MAGI2: variants seen among roughly 807,000 people sequenced by gnomAD.
MAGI2 encodes the protein membrane-associated guanylate kinase, WW and PDZ domain-containing protein 2.
In MAGI2, 35 loss-of-function variants were observed where a neutral mutation model predicts 133.3. That is an observed-to-expected ratio of 0.26 (90% CI 0.20 to 0.35). The LOEUF (loss-of-function observed/expected upper bound fraction) is 0.35, where lower values mean the gene tolerates loss of function less well. MAGI2 is among the 10% of genes least tolerant of loss of function. The probability of loss-of-function intolerance (pLI) is 1.00; values close to 1 mark genes in which losing one functional copy is unlikely to be tolerated. For synonymous variants in MAGI2, 729 were observed against 710.6 expected (o/e 1.03, Z -0.41); for missense variants, 1,636 against 1,863.4 (o/e 0.88, Z 2.25).
chr7:79,308,250 C>T (rs1430349242), intron 1 of MAGI2, among the ~76,000 whole-genome samples: 3 of 152,078 alleles, frequency 2.0e-5, no homozygotes, highest in Admixed American at 2.0e-4. Context: ...TTGACGTTGC[C>T]AACACACGTA....
chr7:78,614,928 C>T (rs1160441442), intron 3 of MAGI2: 1 of 152,106 alleles, frequency 6.6e-6, no homozygotes, highest in Non-Finnish European at 1.5e-5. Flanking sequence ...TTCTGGATAG[C>T]TCAGGGTCAT....
chr7:78,797,260 C>T (rs1787694852), intron 2 of MAGI2, among the ~76,000 whole-genome samples: 1 of 151,984 alleles, frequency 6.6e-6, no homozygotes, highest in Non-Finnish European at 1.5e-5. Context: ...ATATATAAAA[C>T]TATATCAATA....
intron 2 of MAGI2, among the ~76,000 whole-genome samples, chr7:78,769,796 G>A (rs916916208): frequency 3.9e-5 from 6 of 152,322 alleles, no homozygotes; most frequent in Middle Eastern, 3.4e-3. Flanking sequence ...CATTACAAAT[G>A]TGATTCCCTC....
chr7:79,035,193 TG>T, intron 1 of MAGI2, among the ~76,000 whole-genome samples: 1 of 133,080 alleles, frequency 7.5e-6, no homozygotes, highest in Non-Finnish European at 1.6e-5. Flanking sequence ...AAAAAAAGTG[TG>T]TGTGTGTGTG....
At chr7:79,065,537 T>C (rs1228505209) in intron 1 of MAGI2, among the ~76,000 whole-genome samples, 4 of 152,044 alleles carry the variant, frequency 2.6e-5, no homozygotes, top group Non-Finnish European at 5.9e-5. Flanking sequence ...TTGAAACTAT[T>C]CTCATATATA....
At chr7:79,005,063 C>A (rs988471657) in intron 2 of MAGI2, among the ~76,000 whole-genome samples, 4 of 137,790 alleles carry the variant, frequency 2.9e-5, no homozygotes, top group Non-Finnish European at 4.7e-5. Flanking sequence ...GCCTGGGTAA[C>A]AAGAGCAAAA....
intron 2 of MAGI2, among the ~76,000 whole-genome samples, chr7:78,951,211 G>C (rs1390922220): frequency 6.6e-6 from 1 of 151,984 alleles, no homozygotes; most frequent in Non-Finnish European, 1.5e-5. Flanking sequence ...AACCTTAAGT[G>C]ATCCACCACC....
At chr7:79,336,717 T>C (rs899201677) in intron 1 of MAGI2, among the ~76,000 whole-genome samples, 3 of 152,110 alleles carry the variant, frequency 2.0e-5, no homozygotes, top group African/African-American at 7.2e-5. Flanking sequence ...TTTCTTTCCA[T>C]GTCTGGCTCA....
At chr7:79,228,353 G>GAAAAAAAAAAAAAAAAAA (rs1831044112) in intron 1 of MAGI2, among the ~76,000 whole-genome samples, 2 of 5,810 alleles carry the variant, frequency 3.4e-4, no homozygotes, top group Non-Finnish European at 6.6e-4. Context: ...AAAAAAACAG[G>GAAAAAAAAAAAAAAAAAA]CAAAAAAAAA....
chr7:78,602,877 G>T (rs1390906563), intron 3 of MAGI2, among the ~76,000 whole-genome samples: 1 of 152,174 alleles, frequency 6.6e-6, no homozygotes, highest in South Asian at 2.1e-4. Flanking sequence ...CATAGACTTT[G>T]TTTATAAGAT....
chr7:78,460,887 T>C (rs1368912251), intron 6 of MAGI2, among the ~76,000 whole-genome samples: 1 of 152,102 alleles, frequency 6.6e-6, no homozygotes, highest in East Asian at 1.9e-4. Context: ...GGGTCTCTTC[T>C]TCAACCTCTC....
At chr7:79,207,453 A>C (rs1315765862) in intron 1 of MAGI2, among the ~76,000 whole-genome samples, 1 of 152,004 alleles carries the variant, frequency 6.6e-6, no homozygotes, top group Non-Finnish European at 1.5e-5. Flanking sequence ...AAATAAAACA[A>C]TTCCACTTAT....
intron 1 of MAGI2, among the ~76,000 whole-genome samples, chr7:79,217,006 G>T (rs542345370): frequency 6.6e-5 from 10 of 152,158 alleles, no homozygotes; most frequent in Non-Finnish European, 1.2e-4. Context: ...ATAAAAGCAC[G>T]TGAAGCTAGT....
chr7:79,378,928 A>ATATATGTG (rs1563168199), intron 1 of MAGI2, among the ~76,000 whole-genome samples: 6 of 27,026 alleles, frequency 2.2e-4, no homozygotes, highest in African/African-American at 9.3e-4. Flanking sequence ...GTGTGTGTGT[A>ATATATGTG]TATATATATA....
chr7:78,608,593 A>G (rs1461511404), intron 3 of MAGI2, among the ~76,000 whole-genome samples: 1 of 152,042 alleles, frequency 6.6e-6, no homozygotes, highest in Non-Finnish European at 1.5e-5. Flanking sequence ...TATCATTATT[A>G]TTCATGCTGT....
chr7:78,159,705 G>A (rs2150606225), intron 16 of MAGI2: 1 of 189,828 alleles, frequency 5.3e-6, no homozygotes. Flanking sequence ...ACCCATAAAA[G>A]GAAGCACCCC....
At chr7:78,093,094 C>A (rs1817367257) in intron 20 of MAGI2, among the ~76,000 whole-genome samples, 1 of 139,738 alleles carries the variant, frequency 7.2e-6, no homozygotes, top group Non-Finnish European at 1.5e-5. Context: ...CCAGATTGAG[C>A]CACTGCACTC....
chr7:78,610,641 T>C (rs567922388), intron 3 of MAGI2, among the ~76,000 whole-genome samples: 1 of 152,342 alleles, frequency 6.6e-6, no homozygotes, highest in East Asian at 1.9e-4. Context: ...ATCCGTAATA[T>C]GAATTTTCCA....
rs539676946 is a variant in MAGI2, at chr7:79,406,401, C to A, written c.301+46619G>T. On this transcript the variant is annotated intron_variant, in intron 1 of 21. Transcript: ENST00000354212. The stretch of plus-strand genomic sequence containing the variant: ...AGGGGCAAGGTACAAGAATGTAGTT[C>A]TTTCTTAACTATATTTCAACAACTA... 1.5e-4 allele frequency among the ~76,000 whole-genome samples: 23 copies of A among 152,152 alleles called. No individual in the cohort carries two copies. The South Asian group carries it at 4.8e-3, about 32-fold the overall frequency.
Sources: gnomAD v4.1 joint callset for allele counts (sites outside exome capture counted in the v4.1 genomes callset) on GRCh38, gnomAD v4.1.1 for gene constraint, MANE v1.5 for transcripts, NCBI Gene and HGNC (gene_info 2026-07-23, HGNC 2026-07-21) for gene names.